The following FAM174A variants were observed in gnomAD, a reference collection of about 807,000 sequenced individuals.
The protein encoded by FAM174A is family with sequence similarity 174 member A.
Under a neutral mutation model 14.3 loss-of-function variants are expected in FAM174A, and 14 were observed. That is an observed-to-expected ratio of 0.98 (90% confidence interval 0.65 to 1.53). The LOEUF is 1.53. Ranked by LOEUF, FAM174A falls within the 40% of genes most tolerant of loss-of-function variation. The pLI is 0.00. For synonymous variants in FAM174A, 108 were observed against 111.4 expected (o/e 0.97, Z 0.19); for missense variants, 241 against 249.6 (o/e 0.97, Z 0.23).
rs368286254 is a variant in FAM174A at position 100,586,169 on chromosome 5, T to C, written c.570-12T>C. 432 of 1,368,310 alleles carry C rather than the reference T, an allele frequency of 3.2e-4. No individual in the cohort carries two copies. Among genetic ancestry groups the C allele is most frequent in the South Asian group, 9.3e-4 (71 of 76,496 alleles). The allele number at this position is 1,368,310 out of a possible 1,614,324, so 84.8% of individuals were successfully genotyped here. A position where few individuals can be genotyped will look rare whatever the true frequency, so the allele number is the denominator to read the frequency against. On this transcript the variant is annotated splice_polypyrimidine_tract_variant and intron_variant, in intron 2 of 2. Transcript: ENST00000312637. ...AAAGGATATTTATGGTATTTTTTTC[T>C]TTTTCTTGCAGATAAGAATGTGCCT...
intron 2 of FAM174A, among the ~76,000 whole-genome samples, chr5:100,565,867 T>C (rs565380930): frequency 4.0e-5 from 6 of 151,720 alleles, no homozygotes; most frequent in African/African-American, 9.7e-5. Context: ...CTCACAATCA[T>C]GGCAGTAGGC....
At chr5:100,579,170 T>G (rs1041434779) in intron 2 of FAM174A, among the ~76,000 whole-genome samples, 1 of 152,232 alleles carries the variant, frequency 6.6e-6, no homozygotes. Flanking sequence ...TTCTTTATTT[T>G]ATATTATAAT....
At chr5:100,562,629 T>A (rs1316609723) in intron 2 of FAM174A, among the ~76,000 whole-genome samples, 1 of 151,686 alleles carries the variant, frequency 6.6e-6, no homozygotes, top group Non-Finnish European at 1.5e-5. Flanking sequence ...TGTGTGTGTG[T>A]GTGAGAGAGA....
intron 1 of FAM174A, among the ~76,000 whole-genome samples, chr5:100,536,630 A>G (rs1745947542): frequency 6.6e-6 from 1 of 152,204 alleles, no homozygotes; most frequent in African/African-American, 2.4e-5. Flanking sequence ...CCTCACCATT[A>G]GGAGAAGCCA....
intron 1 of FAM174A, among the ~76,000 whole-genome samples, chr5:100,561,329 A>G (rs1746517555): frequency 6.6e-6 from 1 of 151,902 alleles, no homozygotes; most frequent in Non-Finnish European, 1.5e-5. Context: ...TCTGGGCCCC[A>G]TCTTCAAAGT....
At chr5:100,539,835 T>C (rs55812100) in intron 1 of FAM174A, among the ~76,000 whole-genome samples, 2,115 of 152,342 alleles carry the variant, frequency 0.014, 49 homozygotes, top group African/African-American at 0.048. Context: ...GGATAGTATA[T>C]GCCCAGTGCC....
At chr5:100,537,144 G>A (rs543680176) in intron 1 of FAM174A, among the ~76,000 whole-genome samples, 17 of 152,222 alleles carry the variant, frequency 1.1e-4, no homozygotes, top group Non-Finnish European at 1.9e-4. Context: ...CTATTAAAAT[G>A]TTTCTTTCCA....
intron 2 of FAM174A, among the ~76,000 whole-genome samples, chr5:100,564,026 T>G (rs1433656537): frequency 2.0e-5 from 3 of 151,714 alleles, no homozygotes; most frequent in South Asian, 2.1e-4. Flanking sequence ...AAAATGTGGT[T>G]GTTTTAAGTG....
intron 2 of FAM174A, among the ~76,000 whole-genome samples, chr5:100,580,983 C>T (rs1746999548): frequency 6.6e-6 from 1 of 152,144 alleles, no homozygotes; most frequent in Non-Finnish European, 1.5e-5. Context: ...GGCTGGACTA[C>T]AATGGCGTGA....
intron 2 of FAM174A, among the ~76,000 whole-genome samples, chr5:100,584,266 A>G (rs1338573180): frequency 1.3e-5 from 2 of 152,200 alleles, no homozygotes; most frequent in East Asian, 3.8e-4. Flanking sequence ...TGCATGAAAC[A>G]GTACTGTTAG....
chr5:100,551,723 A>G (rs1220553077), intron 1 of FAM174A, among the ~76,000 whole-genome samples: 1 of 152,138 alleles, frequency 6.6e-6, no homozygotes, highest in Non-Finnish European at 1.5e-5. Flanking sequence ...AAATCAAGAT[A>G]CTGGCAGGGC....
chr5:100,569,650 T>C (rs1214878885), intron 2 of FAM174A, among the ~76,000 whole-genome samples: 2 of 151,904 alleles, frequency 1.3e-5, no homozygotes, highest in Admixed American at 6.6e-5. Context: ...AAGGTGCCTA[T>C]AAGATGATAT....
rs1353680047 is a variant in FAM174A, at chr5:100,586,345, T to C, written c.*161T>C. 1 of 436,600 alleles carries C rather than the reference T, an allele frequency of 2.3e-6. No individual in the cohort carries two copies. Among genetic ancestry groups the C allele is most frequent in the African/African-American group, 2.0e-5 (1 of 48,786 alleles). 27.0% of individuals were successfully genotyped at this position (436,600 alleles called of 1,614,324 possible). A position where few individuals can be genotyped will look rare whatever the true frequency, so the allele number is the denominator to read the frequency against. ...CTGTTGCAATAAATACCGTATCCTT[T>C]TATTATATCTTTATATGTATAGAAG... On this transcript the variant is annotated 3_prime_UTR_variant, in exon 3 of 3. Coordinates refer to ENST00000312637, the MANE Select transcript of FAM174A (RefSeq NM_198507.3).
chr5:100,576,016 AT>A (rs1746897408), intron 2 of FAM174A, among the ~76,000 whole-genome samples: 1 of 152,190 alleles, frequency 6.6e-6, no homozygotes, highest in African/African-American at 2.4e-5. Flanking sequence ...GAAGCAAGTC[AT>A]TTCCAGAGAG....
At chr5:100,574,421 C>G (rs529958274) in intron 2 of FAM174A, among the ~76,000 whole-genome samples, 10 of 152,020 alleles carry the variant, frequency 6.6e-5, no homozygotes, top group Non-Finnish European at 1.5e-4. Flanking sequence ...CTCCTGGGCT[C>G]AGGTGATCCA....
chr5:100,582,650 G>A (rs540655790), intron 2 of FAM174A, among the ~76,000 whole-genome samples: 4 of 152,144 alleles, frequency 2.6e-5, no homozygotes, highest in Admixed American at 2.6e-4. Context: ...AAACTAGTTA[G>A]GCAATAAGAG....
At chr5:100,543,092 TCAAA>T (rs1438852352) in intron 1 of FAM174A, among the ~76,000 whole-genome samples, 1 of 152,050 alleles carries the variant, frequency 6.6e-6, no homozygotes, top group Admixed American at 6.5e-5. Context: ...AGACCTTGTC[TCAAA>T]CAAAGTTAAT....
chr5:100,540,029 G>A (rs1746018017), intron 1 of FAM174A, among the ~76,000 whole-genome samples: 1 of 152,090 alleles, frequency 6.6e-6, no homozygotes, highest in African/African-American at 2.4e-5. Context: ...ACATAGTCAG[G>A]GAATGGTAAT....
At chr5:100,556,099 C>G (rs896368087) in intron 1 of FAM174A, among the ~76,000 whole-genome samples, 8 of 152,110 alleles carry the variant, frequency 5.3e-5, no homozygotes, top group African/African-American at 1.7e-4. Flanking sequence ...GTCCTTAATC[C>G]ATCTTGAATT....
Sources: gnomAD v4.1 joint callset for allele counts (sites outside exome capture counted in the v4.1 genomes callset) on GRCh38, gnomAD v4.1.1 for gene constraint, MANE v1.5 for transcripts, NCBI Gene and HGNC (gene_info 2026-07-23, HGNC 2026-07-21) for gene names.